The following CDC42BPA variants were observed in gnomAD, a reference collection of about 807,000 sequenced individuals.
CDC42BPA encodes serine/threonine-protein kinase MRCK alpha.
A neutral mutation model predicts 223.5 loss-of-function variants in CDC42BPA; 80 were observed. The observed-to-expected ratio is 0.36, with a 90% CI of 0.30 to 0.43. The LOEUF (loss-of-function observed/expected upper bound fraction) is 0.43. Among genes scored for constraint, CDC42BPA ranks in the 20% least tolerant of loss-of-function variants. The pLI, the probability that CDC42BPA is intolerant of heterozygous loss-of-function variation, is 1.00. For synonymous variants in CDC42BPA, 694 were observed against 718.6 expected (o/e 0.97, Z 0.55); for missense variants, 1,743 against 2,099.9 (o/e 0.83, Z 3.32).
In CDC42BPA at chr1:226,994,274, G is replaced by A; in HGVS notation, c.5259C>T (p.Asp1753=). 6.3e-7 allele frequency: 1 copy of A among 1,580,234 alleles called. No homozygotes were observed. The highest frequency in any genetic ancestry group is 1.8e-5 in the Admixed American group (1 of 56,200). Residue 1753 remains aspartate (D), a synonymous_variant, in exon 37 of 37, where the codon GAC becomes GAT. Coordinates refer to ENST00000366766, the MANE Select transcript of CDC42BPA (RefSeq NM_001394014.1). The surrounding 1 kb of genome is among the most constrained non-coding windows in gnomAD (Gnocchi z 4.0). The stretch of plus-strand genomic sequence containing the variant: ...GTCCCAGTGCTGAGGCAGCTCACGG[G>A]TCCCAGCTCCCGCGGTCAGTGCTCT... ...SLESTDRGSW[D]P is the part of the protein sequence containing the mutation.
At chr1:227,165,048 A>C (rs946635577) in intron 5 of CDC42BPA, among the ~76,000 whole-genome samples, 2 of 79,386 alleles carry the variant, frequency 2.5e-5, no homozygotes, top group African/African-American at 8.2e-5. Flanking sequence ...CATTTACAGC[A>C]TGCAACAGCA....
chr1:227,301,181 G>T (rs1398524289), intron 1 of CDC42BPA, among the ~76,000 whole-genome samples: 1 of 152,100 alleles, frequency 6.6e-6, no homozygotes, highest in Non-Finnish European at 1.5e-5. Context: ...TAAGAACAGA[G>T]AAATAACTGA....
In CDC42BPA at chr1:227,191,694, G is replaced by A. The variant is rs538200823; in HGVS notation, c.599+2092C>T. 9.1e-3 allele frequency among the ~76,000 whole-genome samples: 1,381 copies of A among 152,064 alleles called. 23 individuals carry two copies. Among genetic ancestry groups the A allele is most frequent in the African/African-American group, 0.032 (1,318 of 41,458 alleles). ...TAGTAACATTCTTCAAATATTCAAC[G>A]AAATAGTATTTTCTGTAAGTATTTT... On this transcript the variant is annotated intron_variant, in intron 5 of 36. Transcript: ENST00000366766.
intron 11 of CDC42BPA, among the ~76,000 whole-genome samples, chr1:227,120,836 A>G (rs1688538332): frequency 6.6e-6 from 1 of 152,118 alleles, no homozygotes; most frequent in South Asian, 2.1e-4. Flanking sequence ...GGCACCAGGG[A>G]CCAGTTTTGT....
chr1:227,228,826 C>A (rs1337185518), intron 2 of CDC42BPA, among the ~76,000 whole-genome samples: 1 of 152,098 alleles, frequency 6.6e-6, no homozygotes, highest in African/African-American at 2.4e-5. Flanking sequence ...TGTATAACTT[C>A]TTTGGAGAAA....
intron 21 of CDC42BPA, chr1:227,059,227 G>A (rs577621146): frequency 3.0e-6 from 2 of 673,924 alleles, no homozygotes; most frequent in East Asian, 2.8e-5. Context: ...AAGCAGCACA[G>A]CAACAGCAGG....
At chr1:227,200,123 A>ACATTT (rs1671463218) in intron 3 of CDC42BPA, among the ~76,000 whole-genome samples, 2 of 70,696 alleles carry the variant, frequency 2.8e-5, no homozygotes, top group African/African-American at 4.6e-5. Flanking sequence ...TACAAACAAC[A>ACATTT]GATTTGTGTT....
chr1:227,028,550 T>C, intron 30 of CDC42BPA, 107 bp downstream of exon 30: 1 of 766,250 alleles, frequency 1.3e-6, no homozygotes, highest in Non-Finnish European at 2.0e-6. Context: ...TAAGAATGAC[T>C]TTTTTAAAAA....
At chr1:227,176,271 T>G (rs1180641445) in intron 5 of CDC42BPA, among the ~76,000 whole-genome samples, 2 of 152,154 alleles carry the variant, frequency 1.3e-5, no homozygotes, top group Non-Finnish European at 2.9e-5. Flanking sequence ...TATCTTCAAT[T>G]CAAATTCACG....
intron 5 of CDC42BPA, among the ~76,000 whole-genome samples, chr1:227,188,878 TG>T: frequency 6.6e-6 from 1 of 152,034 alleles, no homozygotes; most frequent in Admixed American, 6.6e-5. Flanking sequence ...GAAGGGTCAT[TG>T]ATGTTAACAA....
At chr1:227,277,078 TAAAAAAAA>T (rs199895591) in intron 1 of CDC42BPA, among the ~76,000 whole-genome samples, 3 of 105,022 alleles carry the variant, frequency 2.9e-5, no homozygotes, top group Non-Finnish European at 6.4e-5. Flanking sequence ...CAATAAATAC[TAAAAAAAA>T]AAAAAAAAAG....
rs1284663509 is a variant in CDC42BPA at position 227,028,164 on chromosome 1, T to C, written c.4432+493A>G. 2.6e-5 allele frequency among the ~76,000 whole-genome samples: 4 copies of C among 152,176 alleles called. No homozygotes were observed. In the East Asian group the frequency reaches 7.7e-4, roughly 29 times the overall value. On this transcript the variant is annotated intron_variant, in intron 30 of 36. Transcript: ENST00000366766. ...TTCAATAATTTATTATGTCTTAATA[T>C]TTCTTGAAGGGGTAAAATAAGCAAT...
chr1:227,100,747 A>T (rs1203153875), intron 15 of CDC42BPA, among the ~76,000 whole-genome samples: 6 of 137,326 alleles, frequency 4.4e-5, no homozygotes, highest in African/African-American at 1.6e-4. Flanking sequence ...ATACCCAGCT[A>T]GTGTGTGTGT....
intron 10 of CDC42BPA, 75 bp downstream of exon 10, chr1:227,139,501 A>G: frequency 1.0e-6 from 1 of 984,848 alleles, no homozygotes; most frequent in Non-Finnish European, 1.4e-6. Context: ...AAGATAAAAC[A>G]ACCACTTATA....
intron 2 of CDC42BPA, among the ~76,000 whole-genome samples, chr1:227,252,094 G>C (rs1682113152): frequency 6.6e-6 from 1 of 151,900 alleles, no homozygotes; most frequent in Admixed American, 6.6e-5. Context: ...AGAAGGGCTA[G>C]ATATCAATGC....
intron 2 of CDC42BPA, among the ~76,000 whole-genome samples, chr1:227,220,605 G>GA (rs1399851310): frequency 6.6e-6 from 1 of 151,740 alleles, no homozygotes; most frequent in African/African-American, 2.4e-5. Flanking sequence ...AGCAATTAAT[G>GA]ACCTGGTTGC....
At chr1:227,122,399 T>C (rs933433207) in intron 11 of CDC42BPA, among the ~76,000 whole-genome samples, 1 of 152,232 alleles carries the variant, frequency 6.6e-6, no homozygotes, top group Non-Finnish European at 1.5e-5. Context: ...CAGTATTTCA[T>C]AAAATTTCTC....
At chr1:227,277,095 A>G (rs1687231723) in intron 1 of CDC42BPA, among the ~76,000 whole-genome samples, 1 of 151,086 alleles carries the variant, frequency 6.6e-6, no homozygotes, top group African/African-American at 2.4e-5. Context: ...AAAAAAAAAA[A>G]GAAAAAGAAA....
chr1:227,004,308 A>G (rs1663556497), intron 35 of CDC42BPA: 2 of 152,278 alleles, frequency 1.3e-5, no homozygotes, highest in Non-Finnish European at 2.9e-5. Flanking sequence ...CTGCATCCCA[A>G]GCCCTCATTG....
Sources: allele counts gnomAD v4.1 joint callset (sites outside exome capture counted in the v4.1 genomes callset), GRCh38; gene constraint gnomAD v4.1.1; non-coding constraint Gnocchi (gnomAD v3.1); transcripts MANE v1.5; gene names NCBI Gene and HGNC (gene_info 2026-07-23, HGNC 2026-07-21).